Variants in RFX3 observed in about 807,000 individuals in gnomAD.
The protein encoded by RFX3 is regulatory factor X3, also known as transcription factor RFX3.
A neutral mutation model predicts 98.6 loss-of-function variants in RFX3; 14 were observed. That is an observed-to-expected ratio of 0.14 (90% confidence interval 0.09 to 0.22). The LOEUF is 0.22. Ranked by LOEUF, RFX3 falls within the 10% of genes least tolerant of loss-of-function variation. RFX3 has a pLI of 1.00. For synonymous variants in RFX3, 383 were observed against 328.4 expected (o/e 1.17, Z -1.80); for missense variants, 639 against 926.9 (o/e 0.69, Z 4.03).
intron 6 of RFX3, among the ~76,000 whole-genome samples, chr9:3,289,666 T>C (rs1183354427): frequency 6.6e-6 from 1 of 152,114 alleles, no homozygotes; most frequent in Non-Finnish European, 1.5e-5. Context: ...ATTAACATTT[T>C]AATTGGGTTG....
At chr9:3,264,596 C>G (rs972919886) in intron 12 of RFX3, among the ~76,000 whole-genome samples, 2 of 152,208 alleles carry the variant, frequency 1.3e-5, no homozygotes, top group African/African-American at 4.8e-5. Context: ...AGTCTCATAA[C>G]TATCTTATTA....
chr9:3,324,432 C>T, intron 4 of RFX3, among the ~76,000 whole-genome samples: 1 of 151,744 alleles, frequency 6.6e-6, no homozygotes. Context: ...ATTTTTTCCT[C>T]TGGTAAGATA....
At chr9:3,485,439 A>G (rs1375828944) in intron 1 of RFX3, among the ~76,000 whole-genome samples, 1 of 152,244 alleles carries the variant, frequency 6.6e-6, no homozygotes, top group African/African-American at 2.4e-5. Flanking sequence ...TGAGTGAACC[A>G]ATAGTCAAAC....
intron 1 of RFX3, among the ~76,000 whole-genome samples, chr9:3,456,113 G>C (rs981097162): frequency 6.6e-6 from 1 of 152,170 alleles, no homozygotes; most frequent in Non-Finnish European, 1.5e-5. Context: ...TTTTATAGGG[G>C]TTTTACTCCC....
chr9:3,515,365 C>A (rs1417823812), intron 1 of RFX3, among the ~76,000 whole-genome samples: 5 of 152,100 alleles, frequency 3.3e-5, no homozygotes, highest in Non-Finnish European at 2.9e-5. Context: ...AAACAGAATG[C>A]CCGTCTTCAC....
At chr9:3,436,127 C>T (rs912852973) in intron 1 of RFX3, among the ~76,000 whole-genome samples, 9 of 151,946 alleles carry the variant, frequency 5.9e-5, no homozygotes, top group African/African-American at 2.2e-4. Context: ...TAGATAGAAG[C>T]AAGCATAAAA....
rs988864181 is a variant in RFX3, at chr9:3,224,490, A to G, written c.*552T>C. On this transcript the variant is annotated 3_prime_UTR_variant, in exon 17 of 17. Coordinates refer to ENST00000617270, the MANE Select transcript of RFX3 (RefSeq NM_001282116.2). ...ATGACCTTCCAAACCCTCTAGCACTATAATAAAAATGCTCTGTATTCTCTC... is the reference window on the plus strand; with the variant it reads ...ATGACCTTCCAAACCCTCTAGCACTGTAATAAAAATGCTCTGTATTCTCTC... 3 of 153,812 alleles carry G rather than the reference A, an allele frequency of 2.0e-5. No individual in the cohort carries two copies. The highest frequency in any genetic ancestry group is 4.8e-5 in the African/African-American group (2 of 41,446). The allele number at this position is 153,812 out of a possible 1,614,324, so 9.5% of individuals were successfully genotyped here. A position where few individuals can be genotyped will look rare whatever the true frequency, so the allele number is the denominator to read the frequency against.
intron 1 of RFX3, among the ~76,000 whole-genome samples, chr9:3,441,231 G>A (rs927623748): frequency 6.6e-6 from 1 of 152,016 alleles, no homozygotes; most frequent in South Asian, 2.1e-4. Context: ...GAATTACATG[G>A]TATGAGATTA....
chr9:3,498,305 GTTC>G lies in RFX3; in HGVS notation c.-9+27439_-9+27441del, dbSNP rs1455543279. On this transcript the variant is annotated intron_variant, in intron 1 of 16. Coordinates refer to ENST00000617270, the MANE Select transcript of RFX3 (RefSeq NM_001282116.2). The stretch of plus-strand genomic sequence containing the variant: ...AAATTCTGTGCTCCACTACTTATTA[GTTC>G]TTAATTTCAAAAAATGTTGTTCATG... 7.2e-5 allele frequency among the ~76,000 whole-genome samples: 11 copies of G among 151,974 alleles called. No homozygotes were observed. In the East Asian group the frequency reaches 2.1e-3, roughly 29 times the overall value.
intron 1 of RFX3, among the ~76,000 whole-genome samples, chr9:3,412,104 C>T (rs1038217835): frequency 6.6e-6 from 1 of 152,154 alleles, no homozygotes; most frequent in Non-Finnish European, 1.5e-5. Context: ...CAAAACAAAG[C>T]TTACTGTGAA....
intron 1 of RFX3, among the ~76,000 whole-genome samples, chr9:3,403,861 G>A (rs946411007): frequency 1.3e-5 from 2 of 152,236 alleles, no homozygotes; most frequent in Admixed American, 6.5e-5. Flanking sequence ...TACAGGGAGT[G>A]ACAGCCAGAA....
At chr9:3,388,514 G>C (rs1587459943) in intron 2 of RFX3, among the ~76,000 whole-genome samples, 1 of 152,138 alleles carries the variant, frequency 6.6e-6, no homozygotes, top group Non-Finnish European at 1.5e-5. Flanking sequence ...AACCAATATA[G>C]CCAACTAGCT....
chr9:3,369,990 G>A (rs952024850), intron 2 of RFX3, among the ~76,000 whole-genome samples: 34 of 141,712 alleles, frequency 2.4e-4, no homozygotes, highest in African/African-American at 7.5e-4. Flanking sequence ...CACTACGCCC[G>A]GCTAATTTTT....
At chr9:3,247,232 C>T (rs188125408) in intron 15 of RFX3, 44 of 954,566 alleles carry the variant, frequency 4.6e-5, no homozygotes, top group Non-Finnish European at 5.2e-5. Context: ...TGCATCTATT[C>T]CTCATTATAT....
intron 5 of RFX3, among the ~76,000 whole-genome samples, chr9:3,293,794 C>T (rs558025975): frequency 5.9e-5 from 9 of 152,078 alleles, no homozygotes; most frequent in East Asian, 1.9e-4. Context: ...TTGTCTACTG[C>T]GACAGATTCT....
intron 1 of RFX3, among the ~76,000 whole-genome samples, chr9:3,523,561 CA>C (rs531325107): frequency 1.6e-4 from 25 of 152,098 alleles, no homozygotes; most frequent in African/African-American, 4.8e-4. Flanking sequence ...TGAAATGCCT[CA>C]AAAAAAGTTC....
At chr9:3,246,702 T>C (rs1023114297) in intron 15 of RFX3, among the ~76,000 whole-genome samples, 4 of 152,118 alleles carry the variant, frequency 2.6e-5, no homozygotes, top group Non-Finnish European at 5.9e-5. Flanking sequence ...AAAGAGGCAA[T>C]GAGGGGAAGT....
intron 1 of RFX3, among the ~76,000 whole-genome samples, chr9:3,430,041 G>A (rs956490816): frequency 1.3e-5 from 2 of 152,180 alleles, no homozygotes; most frequent in Non-Finnish European, 2.9e-5. Flanking sequence ...ATCAGTCATA[G>A]CTGTTCAAGC....
chr9:3,356,475 T>C (rs922103307), intron 2 of RFX3, among the ~76,000 whole-genome samples: 4 of 151,840 alleles, frequency 2.6e-5, no homozygotes, highest in African/African-American at 9.7e-5. Flanking sequence ...AAATCATATA[T>C]GTAAACTTGA....
Sources: gnomAD v4.1 joint callset for allele counts (sites outside exome capture counted in the v4.1 genomes callset) on GRCh38, gnomAD v4.1.1 for gene constraint, MANE v1.5 for transcripts, NCBI Gene and HGNC (gene_info 2026-07-23, HGNC 2026-07-21) for gene names.